The following POLR1B variants were observed in gnomAD, a reference collection of about 807,000 sequenced individuals.
POLR1B encodes the protein DNA-directed RNA polymerase I subunit RPA2.
POLR1B carries 30 observed loss-of-function variants against 105.8 expected under a neutral mutation model. That is an observed-to-expected ratio of 0.28 (90% CI 0.21 to 0.38). POLR1B has a LOEUF of 0.38. POLR1B is among the 10% of genes least tolerant of loss of function. POLR1B has a pLI of 1.00. For synonymous variants in POLR1B, 485 were observed against 505.1 expected, an observed-to-expected ratio of 0.96 and a Z score of 0.53; for missense variants, 976 against 1,435.8, an observed-to-expected ratio of 0.68 and a Z score of 5.17.
rs1256565147 is a variant in POLR1B, at chr2:112,568,810, T to C, written c.1982T>C (p.Leu661Pro). The C allele has an allele frequency of 6.8e-6, 11 of 1,614,058 alleles. No individual in the cohort carries two copies. The highest frequency in any genetic ancestry group is 9.3e-6 in the Non-Finnish European group (11 of 1,179,994). Reference sequence around the variant, plus strand: ...GCTGGAGTTACCACACACCAGGAACTCTTTCCACACAGCCTGCTGAGTGTG... The same window carrying C: ...GCTGGAGTTACCACACACCAGGAACCCTTTCCACACAGCCTGCTGAGTGTG... ...VFAGVTTHQE[L>P]FPHSLLSVIA... Residue 661 changes from leucine (L) to proline (P), a missense_variant, in exon 12 of 15, where the codon CTC (leucine) becomes CCC (proline). Physicochemically the swap from Leu to Pro is moderately conservative, Grantham distance 98 (BLOSUM62 -3). Coordinates refer to ENST00000263331, the MANE Select transcript of POLR1B (RefSeq NM_019014.6).
At position 112,547,149 on chromosome 2, in the gene POLR1B, C is replaced by T. The variant is rs1236330152; in HGVS notation, c.315C>T (p.Gly105=). The T allele has an allele frequency of 6.2e-7, 1 of 1,613,998 alleles. No individual in the cohort carries two copies. Among genetic ancestry groups the T allele is most frequent in the East Asian group, 2.2e-5 (1 of 44,890 alleles). ...EANVYPAECR[G]RRSTYRGKLT... is the part of the protein sequence containing the mutation. ...ATGTTTATCCAGCAGAATGCCGGGG[C>T]CGAAGGAGTACCTACCGTGGGAAGT... Residue 105 remains glycine (G), a synonymous_variant, in exon 2 of 15, where the codon GGC becomes GGT. Coordinates refer to ENST00000263331, the MANE Select transcript of POLR1B (RefSeq NM_019014.6).
chr2:112,575,854 A>G lies in POLR1B; in HGVS notation c.*125A>G, dbSNP rs1472196681. 9.6e-6 allele frequency: 10 copies of G among 1,039,118 alleles called. No homozygotes were observed. In the East Asian group the frequency reaches 2.5e-4, roughly 25 times the overall value. The allele number at this position is 1,039,118 out of a possible 1,614,324, so 64.4% of individuals were successfully genotyped here. Reference sequence around the variant, plus strand: ...TCAACGGTGTTAGAACTCTCAACCAAGACCTGAAAACCAAGTATGCAAGGT... The same window carrying G: ...TCAACGGTGTTAGAACTCTCAACCAGGACCTGAAAACCAAGTATGCAAGGT... On this transcript the variant is annotated 3_prime_UTR_variant, in exon 15 of 15. Transcript: ENST00000263331. The surrounding 1 kb of genome is among the most constrained non-coding windows in gnomAD (Gnocchi z 5.3).
chr2:112,558,526 T>C (rs1434986981), intron 8 of POLR1B, among the ~76,000 whole-genome samples: 4 of 151,854 alleles, frequency 2.6e-5, no homozygotes, highest in Non-Finnish European at 5.9e-5. Context: ...ATTGCACCAC[T>C]GTACTCCAGC....
At position 112,564,474 on chromosome 2, in the gene POLR1B, T is replaced by C; in HGVS notation, c.1721T>C (p.Ile574Thr). The stretch of plus-strand genomic sequence containing the variant: ...GTGGATAAGGATCTTGCTCCAGGCA[T>C]CGCAGATTCTCTTCGTCATTTTAAG... ...GWVDKDLAPG[I>T]ADSLRHFKVL... The change falls in exon 10 of 15, where the codon ATC becomes ACC. Residue 574 changes from isoleucine (I) to threonine (T), a missense_variant. Physicochemically the swap from Ile to Thr is moderately conservative, Grantham distance 89 (BLOSUM62 -1). Coordinates refer to ENST00000263331, the MANE Select transcript of POLR1B (RefSeq NM_019014.6). The C allele has an allele frequency of 1.9e-6, 3 of 1,614,280 alleles. No homozygotes were observed. Among genetic ancestry groups the C allele is most frequent in the Non-Finnish European group, 2.5e-6 (3 of 1,180,046 alleles).
chr2:112,546,617 A>G (rs1353998806), intron 1 of POLR1B, among the ~76,000 whole-genome samples: 1 of 115,852 alleles, frequency 8.6e-6, no homozygotes, highest in Non-Finnish European at 1.6e-5. Flanking sequence ...GCTGGAGTGC[A>G]GTGGCGTGAT....
At chr2:112,573,057 T>G (rs1361131971) in intron 13 of POLR1B, among the ~76,000 whole-genome samples, 1 of 152,206 alleles carries the variant, frequency 6.6e-6, no homozygotes, top group East Asian at 1.9e-4. Context: ...TTTAAGCTAT[T>G]TCTGTGTGCC....
intron 1 of POLR1B, among the ~76,000 whole-genome samples, chr2:112,546,198 C>T (rs927679727): frequency 3.9e-5 from 6 of 152,162 alleles, no homozygotes; most frequent in African/African-American, 7.2e-5. Context: ...AAAGAAGTAA[C>T]TTCTGTGGAA....
At chr2:112,564,567 G>A in intron 10 of POLR1B, 68 bp downstream of exon 10, 1 of 1,603,918 alleles carries the variant, frequency 6.2e-7, no homozygotes, top group Non-Finnish European at 8.5e-7. Context: ...TTCTAGTTTT[G>A]GGGTTAACCC....
intron 10 of POLR1B, among the ~76,000 whole-genome samples, chr2:112,567,193 C>T (rs965737651): frequency 3.9e-5 from 6 of 152,062 alleles, no homozygotes; most frequent in African/African-American, 1.2e-4. Context: ...AAGCTTTATA[C>T]TCTTTGACCA....
chr2:112,569,590 C>T (rs551721431), intron 12 of POLR1B, among the ~76,000 whole-genome samples: 11 of 149,678 alleles, frequency 7.3e-5, no homozygotes, highest in South Asian at 2.1e-4. Context: ...GACAGAGTCT[C>T]GCTCTGTCGC....
In POLR1B at chr2:112,549,330, C is replaced by T; in HGVS notation, c.556C>T (p.Arg186Trp). The T allele has an allele frequency of 1.9e-6, 3 of 1,613,366 alleles. No homozygotes were observed. The highest frequency in any genetic ancestry group is 2.5e-6 in the Non-Finnish European group (3 of 1,179,542). The change falls in exon 4 of 15, where the codon CGG (arginine) becomes TGG (tryptophan). Residue 186 changes from arginine (R) to tryptophan (W), a missense_variant. Transcript: ENST00000263331. ...EKVIRMLIMP[R>W]RNFPIAMIRP... ...AGTCATCCGAATGTTGATTATGCCT[C>T]GGAGAAATTTTCCCATTGCAATGAT...
chr2:112,542,216 C>A (rs1682784394), upstream of POLR1B: 1 of 1,535,610 alleles, frequency 6.5e-7, no homozygotes, highest in Non-Finnish European at 8.7e-7. Context: ...CGGCATCTTT[C>A]GCGAGCGGGG....
intron 12 of POLR1B, among the ~76,000 whole-genome samples, chr2:112,569,975 T>A (rs1334363161): frequency 6.6e-6 from 1 of 152,148 alleles, no homozygotes; most frequent in African/African-American, 2.4e-5. Context: ...TATTCATATA[T>A]TTAAACCTTT....
intron 8 of POLR1B, among the ~76,000 whole-genome samples, chr2:112,558,795 T>C (rs938523192): frequency 6.6e-6 from 1 of 151,960 alleles, no homozygotes; most frequent in Non-Finnish European, 1.5e-5. Flanking sequence ...ATTTTTGTAT[T>C]TTTTGTAGAG....
At chr2:112,563,609 C>T (rs972771129) in intron 9 of POLR1B, among the ~76,000 whole-genome samples, 5 of 152,110 alleles carry the variant, frequency 3.3e-5, no homozygotes, top group African/African-American at 7.2e-5. Context: ...TCTCAAGAAA[C>T]CATTTCTGCT....
At chr2:112,560,923 G>T (rs1007443981) in intron 9 of POLR1B, among the ~76,000 whole-genome samples, 7 of 152,056 alleles carry the variant, frequency 4.6e-5, no homozygotes, top group African/African-American at 1.7e-4. Flanking sequence ...AAATTAGCTG[G>T]GTGTGGTGGC....
At chr2:112,544,364 G>A (rs1166271839) in intron 1 of POLR1B, among the ~76,000 whole-genome samples, 1 of 152,030 alleles carries the variant, frequency 6.6e-6, no homozygotes, top group Non-Finnish European at 1.5e-5. Flanking sequence ...CCTGGGAGGC[G>A]GAGGTTGCAG....
chr2:112,567,900 A>G, intron 10 of POLR1B, 67 bp from the exon 11 acceptor site: 1 of 1,381,044 alleles, frequency 7.2e-7, no homozygotes, highest in Non-Finnish European at 1.0e-6. Flanking sequence ...TCCATGGGGC[A>G]TAAGACTGGC....
chr2:112,564,121 G>A (rs1420645827), intron 9 of POLR1B, among the ~76,000 whole-genome samples: 1 of 152,236 alleles, frequency 6.6e-6, no homozygotes, highest in East Asian at 1.9e-4. Context: ...TTGAAATATT[G>A]CAAGAATTAC....
Sources: gnomAD v4.1 joint callset for allele counts (sites outside exome capture counted in the v4.1 genomes callset) on GRCh38, gnomAD v4.1.1 for gene constraint, Gnocchi (gnomAD v3.1) non-coding constraint, MANE v1.5 for transcripts, NCBI Gene and HGNC (gene_info 2026-07-23, HGNC 2026-07-21) for gene names.